The following CC2D2A variants were observed in gnomAD, a reference collection of about 807,000 sequenced individuals.
The protein encoded by CC2D2A is coiled-coil and C2 domain-containing protein 2A.
A neutral mutation model predicts 212.9 loss-of-function variants in CC2D2A; 155 were observed. The ratio of observed to expected loss-of-function variants is 0.73; its 90% CI spans 0.64 to 0.83. The LOEUF (loss-of-function observed/expected upper bound fraction) is 0.83. Among genes scored for constraint, CC2D2A ranks in the 40% least tolerant of loss-of-function variants. The probability of loss-of-function intolerance (pLI) is 0.00; values close to 1 mark genes in which losing one functional copy is unlikely to be tolerated. For missense variants in CC2D2A, 1,856 were observed against 1,956.2 expected (o/e 0.95, Z 0.97); for synonymous variants, 667 against 686.5 (o/e 0.97, Z 0.44).
chr4:15,504,120 T>G (rs1716123908), intron 6 of CC2D2A, among the ~76,000 whole-genome samples: 1 of 152,230 alleles, frequency 6.6e-6, no homozygotes, highest in Non-Finnish European at 1.5e-5. Context: ...ATTTTTTAAA[T>G]GATGCCTTTT....
intron 34 of CC2D2A, among the ~76,000 whole-genome samples, 152 bp downstream of exon 34, chr4:15,596,359 TAC>T (rs1721322764): frequency 6.6e-6 from 1 of 152,176 alleles, no homozygotes. Context: ...AACAGATATA[TAC>T]GTTTACATAT....
intron 14 of CC2D2A, chr4:15,533,560 T>C: frequency 2.8e-6 from 1 of 361,152 alleles, no homozygotes; most frequent in South Asian, 4.7e-5. Flanking sequence ...TTTCTTGCTT[T>C]TATACTTTTG....
At chr4:15,548,320 A>C (rs993934596) in intron 17 of CC2D2A, among the ~76,000 whole-genome samples, 1 of 152,100 alleles carries the variant, frequency 6.6e-6, no homozygotes, top group African/African-American at 2.4e-5. Flanking sequence ...GTGGCTCCAG[A>C]AACTAGGAAT....
intron 29 of CC2D2A, among the ~76,000 whole-genome samples, chr4:15,575,922 G>T (rs1190836673): frequency 6.6e-6 from 1 of 152,216 alleles, no homozygotes; most frequent in Non-Finnish European, 1.5e-5. Flanking sequence ...CGTGAAAGCA[G>T]TCTATCCTGG....
In CC2D2A at chr4:15,536,921, GA is replaced by G; in HGVS notation, c.1614del (p.Ala539LeufsTer18). The G allele has an allele frequency of 6.2e-7, 1 of 1,613,048 alleles. No homozygotes were observed. The highest frequency in any genetic ancestry group is 8.5e-7 in the Non-Finnish European group (1 of 1,179,402). On this transcript the variant is annotated frameshift_variant and splice_region_variant, in exon 15 of 37. Coordinates refer to ENST00000424120, the MANE Select transcript of CC2D2A (RefSeq NM_001378615.1). LOFTEE classifies it high-confidence loss of function. Reference sequence around the variant, plus strand: ...AAGGGACTACAAATTATTTTAAAGGGAAAAAGCTGACCAGAAAGCAGATGAA... The same window carrying G: ...AAGGGACTACAAATTATTTTAAAGGGAAAAGCTGACCAGAAAGCAGATGAA... ...NTPLKLVLRK[E>X]KADQKADEEA...
At chr4:15,529,733 T>G (rs1465323376) in intron 13 of CC2D2A, among the ~76,000 whole-genome samples, 1 of 151,444 alleles carries the variant, frequency 6.6e-6, no homozygotes, top group Non-Finnish European at 1.5e-5. Flanking sequence ...TACTGTAATT[T>G]AAATTCCTAA....
At chr4:15,520,002 T>G (rs1717113987) in intron 11 of CC2D2A, among the ~76,000 whole-genome samples, 1 of 152,180 alleles carries the variant, frequency 6.6e-6, no homozygotes, top group East Asian at 1.9e-4. Flanking sequence ...TCATCATTTT[T>G]GTCTATAAAG....
chr4:15,485,071 A>G (rs1294365843), intron 4 of CC2D2A, among the ~76,000 whole-genome samples: 9 of 152,330 alleles, frequency 5.9e-5, no homozygotes, highest in South Asian at 2.1e-4. Flanking sequence ...TTATTCCCCA[A>G]TGCAATATTT....
Position 15,480,774 on chromosome 4 carries a change from A to T in CC2D2A, c.194A>T (p.Gln65Leu). The T allele has an allele frequency of 1.9e-6, 3 of 1,613,442 alleles. No individual in the cohort carries two copies. Among genetic ancestry groups the T allele is most frequent in the South Asian group, 1.1e-5 (1 of 90,928 alleles). ...CTTGGCAACCCCCAGGAGCCTGTGC[A>T]GGAGGAGCCCAAGACCCGCCTCCTG... ...SHLGNPQEPV[Q>L]EEPKTRLLSM... The change falls in exon 4 of 37, where the codon CAG becomes CTG. Residue 65 changes from glutamine to leucine, a missense_variant. Gln to Leu is a moderately radical substitution (Grantham distance 113). Coordinates refer to ENST00000424120, the MANE Select transcript of CC2D2A (RefSeq NM_001378615.1).
intron 24 of CC2D2A, among the ~76,000 whole-genome samples, chr4:15,566,690 A>G (rs1719894878): frequency 6.6e-6 from 1 of 152,100 alleles, no homozygotes; most frequent in African/African-American, 2.4e-5. Context: ...CATCTTCTCA[A>G]GCTGGGCATG....
At chr4:15,479,932 T>G (rs1714517964) in intron 3 of CC2D2A, among the ~76,000 whole-genome samples, 1 of 152,186 alleles carries the variant, frequency 6.6e-6, no homozygotes, top group Admixed American at 6.5e-5. Flanking sequence ...GAGCAATTTA[T>G]GGGCCAGGCT....
intron 11 of CC2D2A, among the ~76,000 whole-genome samples, chr4:15,522,433 T>C (rs1717264020): frequency 6.6e-6 from 1 of 152,086 alleles, no homozygotes; most frequent in African/African-American, 2.4e-5. Flanking sequence ...AAATGATGGA[T>C]CATGCGCCCT....
chr4:15,594,769 A>G (rs1013882340), intron 33 of CC2D2A, among the ~76,000 whole-genome samples: 1 of 152,174 alleles, frequency 6.6e-6, no homozygotes, highest in African/African-American at 2.4e-5. Context: ...ACATCATGCA[A>G]CATCATCTGT....
At chr4:15,502,566 C>T (rs768351928) in intron 5 of CC2D2A, 49 bp downstream of exon 5, 2 of 1,472,948 alleles carry the variant, frequency 1.4e-6, no homozygotes, top group South Asian at 2.5e-5. Flanking sequence ...TGCAATCTTC[C>T]AGGGCTTGTC....
At chr4:15,524,495 G>A (rs915610671) in intron 11 of CC2D2A, among the ~76,000 whole-genome samples, 10 of 137,770 alleles carry the variant, frequency 7.3e-5, no homozygotes, top group African/African-American at 2.7e-4. Context: ...CTGCTGCCCA[G>A]GCTGGAGTGC....
intron 23 of CC2D2A, among the ~76,000 whole-genome samples, chr4:15,560,979 T>C (rs1719565595): frequency 6.6e-6 from 1 of 152,210 alleles, no homozygotes; most frequent in South Asian, 2.1e-4. Flanking sequence ...GTGCCAGACA[T>C]TCCCTTACTC....
Position 15,510,242 on chromosome 4 carries a change from T to G in CC2D2A, c.540+2T>G. Reference sequence around the variant, plus strand: ...CGAAAAATCAAGCCTAAACCCCAGGTGAGAAATCTTGTTTTTTAAAATCAT... The same window carrying G: ...CGAAAAATCAAGCCTAAACCCCAGGGGAGAAATCTTGTTTTTTAAAATCAT... On this transcript the variant is annotated splice_donor_variant, in intron 7 of 36. Transcript: ENST00000424120. LOFTEE classifies it high-confidence loss of function. 6.2e-7 allele frequency: 1 copy of G among 1,604,870 alleles called. No individual in the cohort carries two copies. Among genetic ancestry groups the G allele is most frequent in the Non-Finnish European group, 8.5e-7 (1 of 1,175,412 alleles).
At chr4:15,502,371 T>TTTTCC in intron 4 of CC2D2A, 58 bp from the exon 5 acceptor site, 1 of 1,384,504 alleles carries the variant, frequency 7.2e-7, no homozygotes, top group Non-Finnish European at 9.8e-7. Flanking sequence ...GTAATTTTCC[T>TTTTCC]TTTTCTTTTC....
chr4:15,481,957 C>T (rs975673069), intron 4 of CC2D2A: 1 of 985,420 alleles, frequency 1.0e-6, no homozygotes, highest in Non-Finnish European at 1.2e-6. Flanking sequence ...CCTACACACG[C>T]CTTTTCTTCT....
Sources: gnomAD v4.1 joint callset for allele counts (sites outside exome capture counted in the v4.1 genomes callset) on GRCh38, gnomAD v4.1.1 for gene constraint, MANE v1.5 for transcripts, NCBI Gene and HGNC (gene_info 2026-07-23, HGNC 2026-07-21) for gene names.